Variants in CAMKMT observed in about 807,000 individuals in gnomAD.
CAMKMT encodes the protein calmodulin-lysine N-methyltransferase.
In CAMKMT, 53 loss-of-function variants were observed where a neutral mutation model predicts 48.0. The observed-to-expected ratio is 1.10, with a 90% CI of 0.89 to 1.39. The LOEUF (loss-of-function observed/expected upper bound fraction) is 1.39. CAMKMT is among the 40% of genes most tolerant of loss of function. The pLI, the probability that CAMKMT is intolerant of heterozygous loss-of-function variation, is 0.00. For missense variants in CAMKMT, 428 were observed against 402.7 expected, an observed-to-expected ratio of 1.06 and a Z score of -0.54; for synonymous variants, 165 against 152.3, an observed-to-expected ratio of 1.08 and a Z score of -0.61.
chr2:44,446,636 T>G (rs1030250396), intron 3 of CAMKMT, among the ~76,000 whole-genome samples: 3 of 152,172 alleles, frequency 2.0e-5, no homozygotes, highest in African/African-American at 7.2e-5. Flanking sequence ...CGCGCCACTA[T>G]GCCCAGCCTT....
In CAMKMT at chr2:44,772,083, G is replaced by T. The variant is rs745803148; in HGVS notation, c.942G>T (p.Pro314=). The T allele has an allele frequency of 1.2e-6, 2 of 1,613,616 alleles. No homozygotes were observed. The highest frequency in any genetic ancestry group is 1.3e-5 in the African/African-American group (1 of 74,892). The part of the protein sequence containing the change: ...PDIYEENLHY[P]LLLILTKHG The stretch of plus-strand genomic sequence containing the variant: ...TATATGAAGAAAACCTTCATTACCC[G>T]CTTCTGCTTATTTTGACCAAACATG... The change falls in exon 11 of 11, where the codon CCG becomes CCT. Residue 314 remains proline, a synonymous_variant. Transcript: ENST00000378494.
At chr2:44,522,326 A>G (rs1277403000) in intron 3 of CAMKMT, among the ~76,000 whole-genome samples, 1 of 151,876 alleles carries the variant, frequency 6.6e-6, no homozygotes, top group Non-Finnish European at 1.5e-5. Flanking sequence ...TTCATATTCT[A>G]TCTGTCTCTT....
chr2:44,481,612 AT>A (rs1668968706), intron 3 of CAMKMT, among the ~76,000 whole-genome samples: 1 of 152,012 alleles, frequency 6.6e-6, no homozygotes, highest in Admixed American at 6.6e-5. Flanking sequence ...TAATTTGTAA[AT>A]TTTTACAAAG....
chr2:44,617,016 A>G (rs1671929698), intron 3 of CAMKMT, among the ~76,000 whole-genome samples: 1 of 152,244 alleles, frequency 6.6e-6, no homozygotes, highest in Non-Finnish European at 1.5e-5. Flanking sequence ...GATGTAATCC[A>G]TATCTCCTTG....
At chr2:44,362,239 G>C in intron 1 of CAMKMT, 94 bp downstream of exon 1, 1 of 1,148,924 alleles carries the variant, frequency 8.7e-7, no homozygotes, top group Non-Finnish European at 1.2e-6. Context: ...CCTCTTGGCA[G>C]CTCTGGGAGA....
intron 3 of CAMKMT, among the ~76,000 whole-genome samples, chr2:44,590,504 C>A (rs1427862372): frequency 6.6e-6 from 1 of 152,042 alleles, no homozygotes; most frequent in East Asian, 1.9e-4. Flanking sequence ...TCTCTGATGG[C>A]CAGTGATGGT....
At position 44,516,776 on chromosome 2, in the gene CAMKMT, C is replaced by A. The variant is rs140162138; in HGVS notation, c.376+126471C>A. Among the ~76,000 whole-genome samples the A allele has an allele frequency of 7.9e-4, 109 of 138,024 alleles. 2 individuals are homozygous for A. The East Asian group carries it at 0.016, about 21-fold the overall frequency. The allele number at this position is 138,024 out of a possible 152,430, so 90.5% of individuals were successfully genotyped here. A position where few individuals can be genotyped will look rare whatever the true frequency, so the allele number is the denominator to read the frequency against. On this transcript the variant is annotated intron_variant, in intron 3 of 10. Coordinates refer to ENST00000378494, the MANE Select transcript of CAMKMT (RefSeq NM_024766.5). ...TTTTTTTTTGAGACGGAGTCTCACTCTGTCACCCAGGTTGGAGTACAATGG... is the reference window on the plus strand; with the variant it reads ...TTTTTTTTTGAGACGGAGTCTCACTATGTCACCCAGGTTGGAGTACAATGG...
chr2:44,650,846 C>T (rs1291136810), intron 3 of CAMKMT, among the ~76,000 whole-genome samples: 1 of 106,104 alleles, frequency 9.4e-6, no homozygotes, highest in Non-Finnish European at 2.2e-5. Flanking sequence ...AAACTTATTG[C>T]ACAAGAAAAA....
intron 3 of CAMKMT, among the ~76,000 whole-genome samples, chr2:44,549,168 T>A (rs1667569025): frequency 6.6e-6 from 1 of 151,984 alleles, no homozygotes; most frequent in African/African-American, 2.4e-5. Flanking sequence ...TGGAGAAAAA[T>A]GTTCTATATT....
chr2:44,468,238 A>G (rs1213735730), intron 3 of CAMKMT, among the ~76,000 whole-genome samples: 1 of 152,242 alleles, frequency 6.6e-6, no homozygotes, highest in East Asian at 1.9e-4. Flanking sequence ...GCCAACAAGT[A>G]TATGAAACAA....
At chr2:44,725,092 A>G (rs1402265864) in intron 7 of CAMKMT, among the ~76,000 whole-genome samples, 1 of 151,718 alleles carries the variant, frequency 6.6e-6, no homozygotes, top group East Asian at 1.9e-4. Context: ...AGAAATGGAG[A>G]TCCAAAAATA....
intron 3 of CAMKMT, among the ~76,000 whole-genome samples, chr2:44,589,883 T>TAAAAAAAAA (rs1218817837): frequency 1.6e-3 from 38 of 23,198 alleles, no homozygotes; most frequent in Non-Finnish European, 2.0e-3. Context: ...GAATGATCAA[T>TAAAAAAAAA]AAAAAAAAAA....
chr2:44,391,451 T>G (rs1379929525), intron 3 of CAMKMT, among the ~76,000 whole-genome samples: 1 of 152,176 alleles, frequency 6.6e-6, no homozygotes, highest in African/African-American at 2.4e-5. Context: ...GTGAATTCTC[T>G]CCCACTTAGG....
intron 8 of CAMKMT, among the ~76,000 whole-genome samples, chr2:44,752,331 C>T (rs557098046): frequency 6.6e-6 from 1 of 151,490 alleles, no homozygotes; most frequent in African/African-American, 2.4e-5. Flanking sequence ...GATCACGTAT[C>T]CCAATATGGG....
In CAMKMT at chr2:44,704,291, C is replaced by T; in HGVS notation, c.385C>T (p.Pro129Ser). 1 of 1,609,730 alleles carries T rather than the reference C, an allele frequency of 6.2e-7. No individual in the cohort carries two copies. Among genetic ancestry groups the T allele is most frequent in the Non-Finnish European group, 8.5e-7 (1 of 1,177,714 alleles). The change falls in exon 4 of 11, where the codon CCA becomes TCA. Residue 129 changes from proline (P) to serine (S), a missense_variant. By Grantham distance (74) the Pro-to-Ser change is moderately conservative. Transcript: ENST00000378494. Reference protein sequence around the residue: ...FDNTGNVCIWPSEEVLAYYCL... With the variant: ...FDNTGNVCIWSSEEVLAYYCL... ...CCTCTTGTGTTTTCTAGGCATCTGG[C>T]CATCTGAAGAGGTTTTGGCTTACTA...
At chr2:44,622,009 G>A (rs942064811) in intron 3 of CAMKMT, among the ~76,000 whole-genome samples, 2 of 152,160 alleles carry the variant, frequency 1.3e-5, no homozygotes, top group Non-Finnish European at 2.9e-5. Context: ...GATGTTGAAG[G>A]AAAGATAAGA....
chr2:44,446,629 G>A (rs559333576), intron 3 of CAMKMT, among the ~76,000 whole-genome samples: 5 of 152,152 alleles, frequency 3.3e-5, no homozygotes, highest in Non-Finnish European at 7.3e-5. Flanking sequence ...TACAGGCCGC[G>A]CCACTATGCC....
chr2:44,741,854 T>C (rs1679694008), intron 7 of CAMKMT, among the ~76,000 whole-genome samples: 1 of 152,220 alleles, frequency 6.6e-6, no homozygotes, highest in South Asian at 2.1e-4. Flanking sequence ...CAGCATCCAC[T>C]ATCACCACAG....
chr2:44,408,233 C>T (rs531091925), intron 3 of CAMKMT, among the ~76,000 whole-genome samples: 27 of 152,076 alleles, frequency 1.8e-4, no homozygotes, highest in Non-Finnish European at 3.2e-4. Context: ...ACCATATTGG[C>T]TAGGCTGGTC....
Sources: allele counts gnomAD v4.1 joint callset (sites outside exome capture counted in the v4.1 genomes callset), GRCh38; gene constraint gnomAD v4.1.1; transcripts MANE v1.5; gene names NCBI Gene and HGNC (gene_info 2026-07-23, HGNC 2026-07-21).